Variants in TYW1B observed in about 807,000 individuals in gnomAD.
TYW1B encodes the protein S-adenosyl-L-methionine-dependent tRNA 4-demethylwyosine synthase TYW1B.
TYW1B carries 73 observed loss-of-function variants against 86.9 expected under a neutral mutation model. That is an observed-to-expected ratio of 0.84 (90% CI 0.70 to 1.02). The LOEUF (loss-of-function observed/expected upper bound fraction) is 1.02. Ranked by LOEUF, TYW1B falls within the 50% of genes least tolerant of loss-of-function variation. TYW1B has a pLI of 0.00. For missense variants in TYW1B, 637 were observed against 827.4 expected (o/e 0.77, Z 2.82); for synonymous variants, 248 against 292.8 (o/e 0.85, Z 1.56).
chr7:72,703,854 CAAAA>C (rs1200304670), intron 10 of TYW1B, among the ~76,000 whole-genome samples: 2 of 87,222 alleles, frequency 2.3e-5, no homozygotes, highest in Admixed American at 1.3e-4. Flanking sequence ...GACCCTGTCT[CAAAA>C]AAAAAAAAAG....
intron 11 of TYW1B, among the ~76,000 whole-genome samples, chr7:72,641,250 T>C (rs553548502): frequency 3.1e-4 from 47 of 151,944 alleles, no homozygotes; most frequent in Middle Eastern, 3.4e-3. Flanking sequence ...AGTCAAGAGA[T>C]TGAACAATCA....
chr7:72,815,951 C>T (rs1415247112), intron 2 of TYW1B, among the ~76,000 whole-genome samples: 1 of 152,046 alleles, frequency 6.6e-6, no homozygotes, highest in Non-Finnish European at 1.5e-5. Context: ...ATCCCCTGAG[C>T]CCAGGGGTTA....
rs71517373 is a variant in TYW1B at position 72,806,237 on chromosome 7, GTT to G, written c.723+827_723+828del. 2.0e-3 allele frequency among the ~76,000 whole-genome samples: 259 copies of G among 129,250 alleles called. 1 individual carries two copies. Among genetic ancestry groups the G allele is most frequent in the African/African-American group, 3.9e-3 (137 of 35,154 alleles). 84.8% of individuals were successfully genotyped at this position (129,250 alleles called of 152,430 possible). Reference sequence around the variant, plus strand: ...AGACGTTTTGGTTGTGTGTGTGTGGGTTTTTTTTTTTTTTTTGAGACTGAGTC... The same window carrying G: ...AGACGTTTTGGTTGTGTGTGTGTGGGTTTTTTTTTTTTTTGAGACTGAGTC... On this transcript the variant is annotated intron_variant, in intron 5 of 13. Transcript: ENST00000620995.
chr7:72,776,452 T>A (rs1317332544), intron 7 of TYW1B, among the ~76,000 whole-genome samples: 5 of 146,550 alleles, frequency 3.4e-5, no homozygotes, highest in African/African-American at 1.3e-4. Flanking sequence ...TCCCAGCTGC[T>A]CAGGAGGCTG....
chr7:72,785,629 T>G (rs567902150), intron 6 of TYW1B, among the ~76,000 whole-genome samples: 10 of 152,140 alleles, frequency 6.6e-5, no homozygotes, highest in Admixed American at 4.6e-4. Flanking sequence ...CAAGCTGAGA[T>G]GTATGACTCC....
At chr7:72,624,151 A>T (rs1812287617) in intron 12 of TYW1B, among the ~76,000 whole-genome samples, 1 of 152,222 alleles carries the variant, frequency 6.6e-6, no homozygotes, top group Non-Finnish European at 1.5e-5. Context: ...TTAATTAATA[A>T]GACAACAATG....
At chr7:72,681,880 C>T (rs374252241) in intron 11 of TYW1B, among the ~76,000 whole-genome samples, 14 of 150,276 alleles carry the variant, frequency 9.3e-5, no homozygotes, top group African/African-American at 2.5e-4. Flanking sequence ...CCACCGCACC[C>T]GGCCGTCTGT....
chr7:72,664,630 CA>C (rs1298896217), intron 11 of TYW1B, among the ~76,000 whole-genome samples: 1 of 151,886 alleles, frequency 6.6e-6, no homozygotes, highest in African/African-American at 2.4e-5. Context: ...AGGAGAGGAT[CA>C]GGAAAAAAAC....
intron 13 of TYW1B, among the ~76,000 whole-genome samples, chr7:72,596,795 A>C (rs1811544157): frequency 6.6e-6 from 1 of 152,130 alleles, no homozygotes; most frequent in African/African-American, 2.4e-5. Context: ...AAAATTTTAA[A>C]AGGCATGCAT....
chr7:72,721,610 A>ACACACACACACATG (rs1297259824), intron 9 of TYW1B, among the ~76,000 whole-genome samples: 4 of 151,742 alleles, frequency 2.6e-5, no homozygotes, highest in African/African-American at 2.4e-5. Context: ...TCACACTCAC[A>ACACACACACACATG]CACACACACA....
intron 4 of TYW1B, among the ~76,000 whole-genome samples, chr7:72,809,169 A>G (rs531757786): frequency 4.0e-5 from 6 of 151,306 alleles, no homozygotes; most frequent in African/African-American, 1.5e-4. Context: ...CAGCCTCCCG[A>G]GTAGCTGGGA....
In TYW1B at chr7:72,603,322, T is replaced by TGATG. The variant is rs34898249; in HGVS notation, c.1785+13346_1785+13349dup. On this transcript the variant is annotated intron_variant, in intron 13 of 13. Coordinates refer to ENST00000620995, the MANE Select transcript of TYW1B (RefSeq NM_001145440.3). ...GATGATTGATGGATGGACAGATAGA[T>TGATG]GATGGATGGATGGATGGATGGATGG... Among the ~76,000 whole-genome samples the TGATG allele has an allele frequency of 9.7e-3, 1,339 of 137,858 alleles. 13 individuals are homozygous for TGATG. The highest frequency in any genetic ancestry group is 0.022 in the South Asian group (100 of 4,518). 90.4% of individuals were successfully genotyped at this position (137,858 alleles called of 152,430 possible).
chr7:72,667,404 G>A (rs1196467353), intron 11 of TYW1B, among the ~76,000 whole-genome samples: 1 of 152,128 alleles, frequency 6.6e-6, no homozygotes, highest in African/African-American at 2.4e-5. Flanking sequence ...CTGTGCTGTA[G>A]GAAGTTTGGA....
intron 2 of TYW1B, among the ~76,000 whole-genome samples, chr7:72,818,578 CAAAAAAAAAAAA>C (rs57325230): frequency 7.8e-5 from 3 of 38,430 alleles, no homozygotes; most frequent in Admixed American, 3.0e-4. Context: ...GACTCCATCT[CAAAAAAAAAAAA>C]AAAAAAAAAA....
At chr7:72,771,026 G>A (rs1343083483) in intron 7 of TYW1B, among the ~76,000 whole-genome samples, 1 of 145,652 alleles carries the variant, frequency 6.9e-6, no homozygotes, top group Non-Finnish European at 1.5e-5. Context: ...GCAGTGGCAC[G>A]ATCTGGGCTC....
At chr7:72,753,967 T>C (rs889238205) in intron 7 of TYW1B, among the ~76,000 whole-genome samples, 2 of 152,146 alleles carry the variant, frequency 1.3e-5, no homozygotes, top group Non-Finnish European at 1.5e-5. Context: ...TTCGTTGCAG[T>C]GGTCTGGAAC....
At position 72,807,177 on chromosome 7, in the gene TYW1B, C is replaced by G; in HGVS notation, c.612G>C (p.Lys204Asn). ...CTTTCTTGCAGTGGCCGCCACAGGA[C>G]TTCTTTCTCTCCCCTTTCTGAAGTG... ...LQALQKGERK[K>N]SCGGHCKKGK... Residue 204 changes from lysine to asparagine, a missense_variant, in exon 5 of 14, where the codon AAG (lysine) becomes AAC (asparagine). Physicochemically the swap from Lys to Asn is moderately conservative, Grantham distance 94. Transcript: ENST00000620995. 6.2e-7 allele frequency: 1 copy of G among 1,613,956 alleles called. No individual in the cohort carries two copies. The highest frequency in any genetic ancestry group is 1.1e-5 in the South Asian group (1 of 91,046).
chr7:72,587,195 G>A (rs188130088), intron 13 of TYW1B, among the ~76,000 whole-genome samples: 58 of 152,204 alleles, frequency 3.8e-4, no homozygotes, highest in East Asian at 1.9e-3. Context: ...TCCAGGGGTC[G>A]TCTGAGGGAG....
At chr7:72,660,373 CCAAACAAA>C (rs540824257) in intron 11 of TYW1B, among the ~76,000 whole-genome samples, 23 of 151,920 alleles carry the variant, frequency 1.5e-4, no homozygotes, top group African/African-American at 4.1e-4. Context: ...GTCCCTGTCT[CCAAACAAA>C]CAAACAAACA....
Sources: allele counts gnomAD v4.1 joint callset (sites outside exome capture counted in the v4.1 genomes callset), GRCh38; gene constraint gnomAD v4.1.1; transcripts MANE v1.5; gene names NCBI Gene and HGNC (gene_info 2026-07-23, HGNC 2026-07-21).